Variants in GATC observed in about 807,000 individuals in gnomAD.
GATC encodes the protein glutamyl-tRNA amidotransferase subunit C.
GATC carries 11 observed loss-of-function variants against 14.4 expected under a neutral mutation model. That is an observed-to-expected ratio of 0.77 (90% CI 0.48 to 1.27). GATC has a LOEUF of 1.27. Among genes scored for constraint, GATC ranks in the 50% most tolerant of loss-of-function variants. The pLI, the probability that GATC is intolerant of heterozygous loss-of-function variation, is 0.00. For missense variants in GATC, 204 were observed against 183.0 expected, an observed-to-expected ratio of 1.11 and a Z score of -0.66; for synonymous variants, 76 against 79.3, an observed-to-expected ratio of 0.96 and a Z score of 0.22.
In GATC at chr12:120,446,727, G is replaced by C; in HGVS notation, c.152G>C (p.Arg51Pro). The C allele has an allele frequency of 1.2e-6, 2 of 1,614,008 alleles. No individual in the cohort carries two copies. The highest frequency in any genetic ancestry group is 1.7e-6 in the Non-Finnish European group (2 of 1,180,020). Residue 51 changes from arginine (R) to proline (P), a missense_variant, in exon 2 of 4, where the codon CGC becomes CCC. Transcript: ENST00000551765. ...CTAGCGCTTGTGGACTTCGGCAGCC[G>C]CGAGGCAGTGGCGCGACTGGAGAAA... ...ERLALVDFGS[R>P]EAVARLEKAI... is the part of the protein sequence containing the mutation.
At chr12:120,450,593 A>C (rs1200366327) in intron 2 of GATC, 1 of 161,478 alleles carries the variant, frequency 6.2e-6, no homozygotes, top group East Asian at 1.5e-4. Context: ...ACTTTGGCCC[A>C]GACAGCTTTG....
Position 120,446,693 on chromosome 12 carries a change from C to G in GATC, c.118C>G (p.Leu40Val), listed in dbSNP as rs750530527. The G allele has an allele frequency of 5.1e-5, 82 of 1,613,700 alleles. No homozygotes were observed. The highest frequency in any genetic ancestry group is 5.8e-5 in the Non-Finnish European group (68 of 1,179,910). ...GRITAAVIEH[L>V]ERLALVDFGS... ...GATCACGGCTGCGGTGATCGAGCAC[C>G]TGGAGCGTCTAGCGCTTGTGGACTT... The change falls in exon 2 of 4, where the codon CTG becomes GTG. Residue 40 changes from leucine to valine, a missense_variant. Transcript: ENST00000551765.
At chr12:120,451,745 A>AAAAC (rs998681224) in intron 2 of GATC, among the ~76,000 whole-genome samples, 33 of 151,934 alleles carry the variant, frequency 2.2e-4, no homozygotes, top group African/African-American at 6.8e-4. Context: ...CCATCTCAAA[A>AAAAC]AAACAAACAA....
chr12:120,458,870 GTTTGT>G (rs1200092951), intron 3 of GATC, among the ~76,000 whole-genome samples: 2 of 152,042 alleles, frequency 1.3e-5, no homozygotes, highest in African/African-American at 4.8e-5. Flanking sequence ...TAAACTTTTT[GTTTGT>G]TTTGAGACGG....
At chr12:120,453,502 C>T (rs538428066) in intron 2 of GATC, among the ~76,000 whole-genome samples, 1 of 152,272 alleles carries the variant, frequency 6.6e-6, no homozygotes, top group South Asian at 2.1e-4. Flanking sequence ...ACTTATCTTA[C>T]AGAACCCTGA....
At chr12:120,453,852 AAC>A (rs1555219665) in intron 2 of GATC, among the ~76,000 whole-genome samples, 1 of 151,978 alleles carries the variant, frequency 6.6e-6, no homozygotes, top group Middle Eastern at 3.4e-3. Context: ...CAACAACAAC[AAC>A]AAAAAACCAA....
At chr12:120,453,918 T>C (rs545233274) in intron 2 of GATC, among the ~76,000 whole-genome samples, 1 of 143,626 alleles carries the variant, frequency 7.0e-6, no homozygotes, top group South Asian at 2.1e-4. Context: ...AATAACTAAA[T>C]AGAAATGTAT....
At chr12:120,452,729 C>G (rs1878085612) in intron 2 of GATC, among the ~76,000 whole-genome samples, 1 of 151,830 alleles carries the variant, frequency 6.6e-6, no homozygotes, top group Admixed American at 6.6e-5. Context: ...TTTTCTCATT[C>G]TGTTGCCCAG....
chr12:120,455,256 C>A (rs1878152189), intron 2 of GATC, among the ~76,000 whole-genome samples: 1 of 151,928 alleles, frequency 6.6e-6, no homozygotes, highest in South Asian at 2.1e-4. Flanking sequence ...GCAACCTCCG[C>A]CTCCTGGGTT....
At chr12:120,454,905 T>A (rs11608807) in intron 2 of GATC, 32,713 of 352,672 alleles carry the variant, frequency 0.093, 1,741 homozygotes, top group Non-Finnish European at 0.11. Flanking sequence ...TGTGTGTGTG[T>A]GAGACACTGT....
Position 120,462,103 on chromosome 12 carries a change from C to T in GATC, c.*2144C>T. On this transcript the variant is annotated 3_prime_UTR_variant, in exon 4 of 4. Transcript: ENST00000551765. ...CACGGCCCCTTGACCCAGACCGAGA[C>T]CGTGAGTAGCCATAGCTGGTGCTTC... is the stretch of plus-strand genomic sequence containing the variant. 6.2e-7 allele frequency: 1 copy of T among 1,612,150 alleles called. No homozygotes were observed. The highest frequency in any genetic ancestry group is 8.5e-7 in the Non-Finnish European group (1 of 1,179,832).
intron 2 of GATC, among the ~76,000 whole-genome samples, chr12:120,451,132 A>G (rs1247356494): frequency 9.9e-6 from 1 of 101,320 alleles, no homozygotes; most frequent in African/African-American, 4.6e-5. Context: ...CGACAGAGCA[A>G]GACTCCATCT....
At chr12:120,447,076 G>GT (rs1251839333) in intron 2 of GATC, among the ~76,000 whole-genome samples, 8 of 128,626 alleles carry the variant, frequency 6.2e-5, no homozygotes, top group Non-Finnish European at 6.3e-5. Flanking sequence ...TTGTTTGTTT[G>GT]TTTTGTTTTT....
chr12:120,453,972 G>A (rs1347697210), intron 2 of GATC, among the ~76,000 whole-genome samples: 1 of 152,018 alleles, frequency 6.6e-6, no homozygotes, highest in African/African-American at 2.4e-5. Flanking sequence ...TATGTAAAGG[G>A]GTGAATTTTG....
At chr12:120,449,222 G>A (rs924576803) in intron 2 of GATC, among the ~76,000 whole-genome samples, 1 of 151,876 alleles carries the variant, frequency 6.6e-6, no homozygotes, top group East Asian at 1.9e-4. Flanking sequence ...GCCTCCCAAA[G>A]GTGCTGATTA....
chr12:120,454,312 A>G (rs2137042096), intron 2 of GATC, among the ~76,000 whole-genome samples: 1 of 152,290 alleles, frequency 6.6e-6, no homozygotes, highest in East Asian at 1.9e-4. Flanking sequence ...CATTTCATTT[A>G]ATCTTCCCAG....
rs1565916262 is a variant in GATC, at chr12:120,462,171, C to A, written c.*2212C>A. On this transcript the variant is annotated 3_prime_UTR_variant, in exon 4 of 4. Coordinates refer to ENST00000551765, the MANE Select transcript of GATC (RefSeq NM_176818.3). ...ATGTAGGAAGTTTCACCCTGAAATG[C>A]AAACAAAAACAAAAAGAGTAAAGGG... is the stretch of plus-strand genomic sequence containing the variant. The A allele has an allele frequency of 5.0e-6, 8 of 1,596,394 alleles. No individual in the cohort carries two copies. Among genetic ancestry groups the A allele is most frequent in the Admixed American group, 3.6e-5 (2 of 55,620 alleles).
In GATC at chr12:120,460,089, A is replaced by G. The variant is rs1046251261; in HGVS notation, c.*130A>G. On this transcript the variant is annotated 3_prime_UTR_variant, in exon 4 of 4. Coordinates refer to ENST00000551765, the MANE Select transcript of GATC (RefSeq NM_176818.3). ...AAAATGGATGCTCAAGCATTTCTTA[A>G]TAACAGATTCTTCTGAAGACAGAAT... 3 of 644,842 alleles carry G rather than the reference A, an allele frequency of 4.7e-6. No individual in the cohort carries two copies. Among genetic ancestry groups the G allele is most frequent in the East Asian group, 3.0e-5 (1 of 33,188 alleles). 39.9% of individuals were successfully genotyped at this position (644,842 alleles called of 1,614,324 possible).
chr12:120,461,876 A>G lies in GATC; in HGVS notation c.*1917A>G, dbSNP rs1878349273. The G allele has an allele frequency of 2.2e-6, 2 of 897,546 alleles. No homozygotes were observed. Among genetic ancestry groups the G allele is most frequent in the Middle Eastern group, 3.9e-4 (1 of 2,594 alleles). The allele number at this position is 897,546 out of a possible 1,614,324, so 55.6% of individuals were successfully genotyped here. A position where few individuals can be genotyped will look rare whatever the true frequency, so the allele number is the denominator to read the frequency against. On this transcript the variant is annotated 3_prime_UTR_variant, in exon 4 of 4. Transcript: ENST00000551765. Reference sequence around the variant, plus strand: ...CACTGCTAATATGGCCCTGGTAGAAATTATGTAGTTTTTTTTCTTCTTTAA... The same window carrying G: ...CACTGCTAATATGGCCCTGGTAGAAGTTATGTAGTTTTTTTTCTTCTTTAA...
Sources: allele counts gnomAD v4.1 joint callset (sites outside exome capture counted in the v4.1 genomes callset), GRCh38; gene constraint gnomAD v4.1.1; transcripts MANE v1.5; gene names NCBI Gene and HGNC (gene_info 2026-07-23, HGNC 2026-07-21).